Variants in SVIL observed in about 807,000 individuals in gnomAD.
SVIL encodes the protein supervillin, also known as archvillin.
Under a neutral mutation model 240.4 loss-of-function variants are expected in SVIL, and 101 were observed. The ratio of observed to expected loss-of-function variants is 0.42; its 90% CI spans 0.36 to 0.50. The LOEUF (loss-of-function observed/expected upper bound fraction) is 0.50. Among genes scored for constraint, SVIL ranks in the 20% least tolerant of loss-of-function variants. The pLI is 0.01. For missense variants in SVIL, 2,512 were observed against 2,818.7 expected, an observed-to-expected ratio of 0.89 and a Z score of 2.46; for synonymous variants, 999 against 1,100.0, an observed-to-expected ratio of 0.91 and a Z score of 1.82.
intron 1 of SVIL, among the ~76,000 whole-genome samples, chr10:29,726,980 C>G (rs370505664): frequency 1.3e-5 from 2 of 152,134 alleles, no homozygotes; most frequent in Admixed American, 6.5e-5. Context: ...AGGATTCACT[C>G]TATATTCTCA....
At chr10:29,736,286 C>T (rs1327611836), upstream of SVIL, among the ~76,000 whole-genome samples, 1 of 152,226 alleles carries the variant, frequency 6.6e-6, no homozygotes, top group Non-Finnish European at 1.5e-5. Context: ...CTTAAAACAC[C>T]GGAAAGGCAG....
intron 2 of SVIL, among the ~76,000 whole-genome samples, chr10:29,684,683 T>TATGC (rs1960925397): frequency 2.0e-5 from 3 of 152,128 alleles, no homozygotes; most frequent in Non-Finnish European, 4.4e-5. Context: ...TAAAAGGTGC[T>TATGC]AGACTCTCAG....
At chr10:29,592,416 T>C (rs1956426667) in intron 1 of SVIL, among the ~76,000 whole-genome samples, 1 of 152,224 alleles carries the variant, frequency 6.6e-6, no homozygotes, top group South Asian at 2.1e-4. Context: ...AAGAAGAAGC[T>C]TCTAGAAGCA....
intron 1 of SVIL, among the ~76,000 whole-genome samples, chr10:29,704,001 C>T (rs1962712841): frequency 6.6e-6 from 1 of 152,128 alleles, no homozygotes; most frequent in Non-Finnish European, 1.5e-5. Context: ...GGGTCTCTCC[C>T]TATGTTGGCC....
intron 20 of SVIL, among the ~76,000 whole-genome samples, chr10:29,494,039 T>G (rs759359122): frequency 1.8e-4 from 28 of 152,126 alleles, no homozygotes; most frequent in Admixed American, 4.6e-4. Context: ...GGCTTGGTGG[T>G]GCACGCCCAT....
chr10:29,532,632 C>G lies in SVIL; in HGVS notation c.1735G>C (p.Glu579Gln). The change falls in exon 8 of 38, where the codon GAA (glutamate) becomes CAA (glutamine). Residue 579 changes from glutamate (E) to glutamine (Q), a missense_variant. Transcript: ENST00000355867. ...ATGCTGATCTCCCCATAAGGCCCTT[C>G]GGTCTTGGAGCTGGGCAGCTCCAGC... is the stretch of plus-strand genomic sequence containing the variant. The part of the protein sequence containing the change: ...RELELPSSKT[E>Q]GPYGEISMLD... 1 of 1,614,192 alleles carries G rather than the reference C, an allele frequency of 6.2e-7. No homozygotes were observed. Among genetic ancestry groups the G allele is most frequent in the Non-Finnish European group, 8.5e-7 (1 of 1,180,034 alleles).
At chr10:29,544,951 T>C (rs2132618690) in intron 6 of SVIL, 2 of 531,588 alleles carry the variant, frequency 3.8e-6, no homozygotes, top group Middle Eastern at 6.4e-4. Context: ...TAGAATAAGC[T>C]GTGAGGAGGA....
intron 2 of SVIL, among the ~76,000 whole-genome samples, chr10:29,684,914 A>AT (rs957629780): frequency 6.6e-6 from 1 of 151,262 alleles, no homozygotes; most frequent in Non-Finnish European, 1.5e-5. Flanking sequence ...TAGGACCTTT[A>AT]TTTTTTTTTA....
chr10:29,703,069 C>T (rs1270361366), intron 1 of SVIL, among the ~76,000 whole-genome samples: 1 of 151,954 alleles, frequency 6.6e-6, no homozygotes, highest in Non-Finnish European at 1.5e-5. Flanking sequence ...CCCATGTAAG[C>T]GAGGGTGCAA....
intron 1 of SVIL, among the ~76,000 whole-genome samples, chr10:29,618,769 G>A (rs1957519051): frequency 6.6e-6 from 1 of 151,858 alleles, no homozygotes; most frequent in Non-Finnish European, 1.5e-5. Context: ...ATCCAGGCTG[G>A]AGTGCGGTGG....
chr10:29,493,750 A>G (rs1948182298), intron 20 of SVIL, among the ~76,000 whole-genome samples: 1 of 152,144 alleles, frequency 6.6e-6, no homozygotes, highest in Non-Finnish European at 1.5e-5. Context: ...CAGCCAGTAA[A>G]CATTTTAGGC....
At chr10:29,489,750 G>A (rs1467187558) in intron 22 of SVIL, among the ~76,000 whole-genome samples, 1 of 152,042 alleles carries the variant, frequency 6.6e-6, no homozygotes, top group Non-Finnish European at 1.5e-5. Context: ...GTCTTGCTAT[G>A]TTTCCCAGGC....
At chr10:29,535,184 G>A (rs953829675) in intron 7 of SVIL, among the ~76,000 whole-genome samples, 3 of 152,064 alleles carry the variant, frequency 2.0e-5, no homozygotes, top group East Asian at 1.9e-4. Context: ...CCACACAGAC[G>A]CACATAGAGG....
chr10:29,615,990 C>A (rs772053708), intron 1 of SVIL, among the ~76,000 whole-genome samples: 1 of 152,214 alleles, frequency 6.6e-6, no homozygotes, highest in Non-Finnish European at 1.5e-5. Flanking sequence ...TACCCCATAT[C>A]TAAATAATAT....
In SVIL at chr10:29,499,125, C is replaced by G. The variant is rs761571755; in HGVS notation, c.3655G>C (p.Val1219Leu). 1 of 1,613,882 alleles carries G rather than the reference C, an allele frequency of 6.2e-7. No homozygotes were observed. Among genetic ancestry groups the G allele is most frequent in the East Asian group, 2.2e-5 (1 of 44,882 alleles). The change falls in exon 18 of 38, where the codon GTG (valine) becomes CTG (leucine). Residue 1219 changes from valine (V) to leucine (L), a missense_variant. Val to Leu is a conservative substitution (Grantham distance 32). Coordinates refer to ENST00000355867, the MANE Select transcript of SVIL (RefSeq NM_021738.3). ...ACACACACACACTGACCTTTCTTCA[C>G]CATCCTGCCAGCCACAGTGAACTGG... ...STQFTVAGRM[V>L]KKGLASPTAI...
intron 21 of SVIL, among the ~76,000 whole-genome samples, chr10:29,491,750 G>C (rs542698703): frequency 7.9e-4 from 120 of 152,248 alleles, no homozygotes; most frequent in Non-Finnish European, 1.4e-3. Context: ...CCCAAAAGGC[G>C]TCTTTACGTA....
At chr10:29,476,347 C>T (rs764212139) in intron 29 of SVIL, among the ~76,000 whole-genome samples, 1 of 152,230 alleles carries the variant, frequency 6.6e-6, no homozygotes, top group Non-Finnish European at 1.5e-5. Context: ...AAATAACCAA[C>T]ATCACATCCT....
rs143311354 is a variant in SVIL at position 29,626,392 on chromosome 10, C to T, written c.-201+8028G>A. On this transcript the variant is annotated intron_variant, in intron 1 of 37. Coordinates refer to ENST00000355867, the MANE Select transcript of SVIL (RefSeq NM_021738.3). ...CGAGGGCAGGAATTTTGTTTCCCACCGCTCTTTCCCCAACACCTATACCAG... is the reference window on the plus strand; with the variant it reads ...CGAGGGCAGGAATTTTGTTTCCCACTGCTCTTTCCCCAACACCTATACCAG... Among the ~76,000 whole-genome samples, 37 of 152,266 alleles carry T rather than the reference C, an allele frequency of 2.4e-4. No homozygotes were observed. In the East Asian group the frequency reaches 6.4e-3, roughly 26 times the overall value.
Position 29,465,748 on chromosome 10 carries a change from G to A in SVIL, c.5980C>T (p.Pro1994Ser). ...CGGGGCGCGAAGTTAAAACTTCCAG[G>A]ATCTTTGAAAGAAAAGAGAACAAAG... Reference protein sequence around the residue: ...RKAYDCMLQDPGSFNFAPRLF... With the variant: ...RKAYDCMLQDSGSFNFAPRLF... The change falls in exon 34 of 38, where the codon CCT (proline) becomes TCT (serine). Residue 1994 changes from proline to serine, a missense_variant and splice_region_variant. Pro to Ser is a moderately conservative substitution (Grantham distance 74). Around this residue, in one of 3 missense-constraint regions of SVIL, gnomAD observed 797 missense variants for 925.3 expected, o/e 0.86. Transcript: ENST00000355867. 6.2e-7 allele frequency: 1 copy of A among 1,611,850 alleles called. No individual in the cohort carries two copies. The highest frequency in any genetic ancestry group is 8.5e-7 in the Non-Finnish European group (1 of 1,179,822).
Sources: allele counts gnomAD v4.1 joint callset (sites outside exome capture counted in the v4.1 genomes callset), GRCh38; gene constraint gnomAD v4.1.1; regional missense constraint gnomAD v4.1.1; transcripts MANE v1.5; gene names NCBI Gene and HGNC (gene_info 2026-07-23, HGNC 2026-07-21).